LCN8: variants seen among roughly 807,000 people sequenced by gnomAD.
LCN8 encodes the protein lipocalin 8, also known as epididymal-specific lipocalin-8.
A neutral mutation model predicts 22.8 loss-of-function variants in LCN8; 16 were observed. The observed-to-expected ratio is 0.70, with a 90% CI of 0.47 to 1.06. LCN8 has a LOEUF of 1.06. Ranked by LOEUF, LCN8 falls within the 50% of genes least tolerant of loss-of-function variation. The probability of loss-of-function intolerance (pLI) is 0.00; values close to 1 mark genes in which losing one functional copy is unlikely to be tolerated. For synonymous variants in LCN8, 92 were observed against 83.4 expected (o/e 1.10, Z -0.56); for missense variants, 189 against 203.3 (o/e 0.93, Z 0.43).
At position 136,757,102 on chromosome 9, in the gene LCN8, G is replaced by C. The variant is rs201335726; in HGVS notation, c.91C>G (p.Arg31Gly). The change falls in exon 2 of 7, where the codon CGG becomes GGG. Residue 31 changes from arginine to glycine, a missense_variant. Coordinates refer to ENST00000371688, the MANE Select transcript of LCN8 (RefSeq NM_178469.4). ...AAGGTGAGGAACAAGCCCTCCACCCGCTTCGGGGCCGTCAGCACCAGGCTT... is the reference window on the plus strand; with the variant it reads ...AAGGTGAGGAACAAGCCCTCCACCCCCTTCGGGGCCGTCAGCACCAGGCTT... ...DQSLVLTAPKRVEGLFLTLSG... is the reference protein window; with the variant it reads ...DQSLVLTAPKGVEGLFLTLSG... The C allele has an allele frequency of 6.2e-7, 1 of 1,613,468 alleles. No individual in the cohort carries two copies. Among genetic ancestry groups the C allele is most frequent in the African/African-American group, 1.3e-5 (1 of 75,016 alleles).
intron 1 of LCN8, 60 bp downstream of exon 1, chr9:136,757,847 C>T: frequency 6.2e-7 from 1 of 1,613,318 alleles, no homozygotes; most frequent in Non-Finnish European, 8.5e-7. Flanking sequence ...GGCCTCCTTC[C>T]CTGAGCCTGA....
chr9:136,758,227 G>A lies in LCN8; in HGVS notation c.-297C>T. On this transcript the variant is annotated 5_prime_UTR_variant, in exon 1 of 7. Transcript: ENST00000371688. The stretch of plus-strand genomic sequence containing the variant: ...CTGCCCAGCCACCCTCCTGGCATAT[G>A]GACAGCGGTGGACGCTGCTGGGGCC... 1.5e-6 allele frequency: 2 copies of A among 1,326,952 alleles called. No homozygotes were observed. Among genetic ancestry groups the A allele is most frequent in the Non-Finnish European group, 1.9e-6 (2 of 1,034,590 alleles). 82.2% of individuals were successfully genotyped at this position (1,326,952 alleles called of 1,614,324 possible). A position where few individuals can be genotyped will look rare whatever the true frequency, so the allele number is the denominator to read the frequency against.
In LCN8 at chr9:136,757,680, G is replaced by A; in HGVS notation, c.24+227C>T. Reference sequence around the variant, plus strand: ...CTTTTAAAAACCCTACCATTTTCGGGAGGAAAGAATCTTCGTCTCCGGCAT... The same window carrying A: ...CTTTTAAAAACCCTACCATTTTCGGAAGGAAAGAATCTTCGTCTCCGGCAT... On this transcript the variant is annotated intron_variant, in intron 1 of 6. Coordinates refer to ENST00000371688, the MANE Select transcript of LCN8 (RefSeq NM_178469.4). The A allele has an allele frequency of 4.2e-6, 6 of 1,438,224 alleles. No individual in the cohort carries two copies. In the South Asian group the frequency reaches 9.0e-5, roughly 22 times the overall value. The allele number at this position is 1,438,224 out of a possible 1,614,324, so 89.1% of individuals were successfully genotyped here.
intron 6 of LCN8, 195 bp downstream of exon 6, chr9:136,754,940 G>A: frequency 7.2e-7 from 1 of 1,391,686 alleles, no homozygotes; most frequent in Non-Finnish European, 9.3e-7. Flanking sequence ...GGAGGTTCCA[G>A]CTCTTTCCAA....
chr9:136,755,422 G>C lies in LCN8; in HGVS notation c.321C>G (p.Leu107=). 1.2e-6 allele frequency: 2 copies of C among 1,611,652 alleles called. No homozygotes were observed. The highest frequency in any genetic ancestry group is 1.7e-6 in the Non-Finnish European group (2 of 1,179,914). Reference sequence around the variant, plus strand: ...CAGGGCCAAGCTTACTAAAGTACTTGAGGACGCGAAAGTTCCTGCCCCGCC... The same window carrying C: ...CAGGGCCAAGCTTACTAAAGTACTTCAGGACGCGAAAGTTCCTGCCCCGCC... ...LMWRGRNFRV[L]KYFTRSLEDK... Residue 107 remains leucine, a synonymous_variant, in exon 4 of 7, where the codon CTC becomes CTG. Transcript: ENST00000371688.
chr9:136,758,133 TG>T lies in LCN8; in HGVS notation c.-204del. The stretch of plus-strand genomic sequence containing the variant: ...CTGGCAGCTCAGAGACGTGGGTTTC[TG>T]CACAAGCGCCATCGGCCCTGGTGAC... On this transcript the variant is annotated 5_prime_UTR_variant, in exon 1 of 7. The change creates a premature stop within an existing upstream ORF in the 5' untranslated region. Coordinates refer to ENST00000371688, the MANE Select transcript of LCN8 (RefSeq NM_178469.4). 1 of 1,447,398 alleles carries T rather than the reference TG, an allele frequency of 6.9e-7. No individual in the cohort carries two copies. The highest frequency in any genetic ancestry group is 9.1e-7 in the Non-Finnish European group (1 of 1,099,808). 89.7% of individuals were successfully genotyped at this position (1,447,398 alleles called of 1,614,324 possible).
rs1847210477 is a variant in LCN8, at chr9:136,756,603, GC to G, written c.156-12del. The G allele has an allele frequency of 1.2e-6, 2 of 1,612,458 alleles. No individual in the cohort carries two copies. The highest frequency in any genetic ancestry group is 1.3e-5 in the African/African-American group (1 of 74,932). Reference sequence around the variant, plus strand: ...TCACAGCTTCCTGAGCTGAAAGGCAGCAAAGTGCCCATCGGTAAAATGCTAG... The same window carrying G: ...TCACAGCTTCCTGAGCTGAAAGGCAGAAAGTGCCCATCGGTAAAATGCTAG... On this transcript the variant is annotated splice_polypyrimidine_tract_variant and intron_variant, in intron 2 of 6. Coordinates refer to ENST00000371688, the MANE Select transcript of LCN8 (RefSeq NM_178469.4).
At chr9:136,756,322 G>T in intron 3 of LCN8, 200 bp downstream of exon 3, 1 of 1,537,772 alleles carries the variant, frequency 6.5e-7, no homozygotes, top group Non-Finnish European at 8.7e-7. Context: ...GAACAGTGCA[G>T]GGAGCAGTGC....
rs1847224553 is a variant in LCN8, at chr9:136,757,020, A to T, written c.155+18T>A. ...CCATGCATGCCTCTTCCTCTCCAGCAGCCCCCAGGCCTCTTACCTGTTATA... is the reference window on the plus strand; with the variant it reads ...CCATGCATGCCTCTTCCTCTCCAGCTGCCCCCAGGCCTCTTACCTGTTATA... On this transcript the variant is annotated intron_variant, in intron 2 of 6. Transcript: ENST00000371688. 1 of 1,611,232 alleles carries T rather than the reference A, an allele frequency of 6.2e-7. No homozygotes were observed. The highest frequency in any genetic ancestry group is 1.7e-5 in the Admixed American group (1 of 59,838).
chr9:136,757,452 G>C, intron 1 of LCN8: 1 of 1,366,450 alleles, frequency 7.3e-7, no homozygotes, highest in South Asian at 1.6e-5. Flanking sequence ...GCGACATGTC[G>C]GGAGGAACCA....
intron 3 of LCN8, chr9:136,756,289 A>C (rs1464134920): frequency 6.6e-7 from 1 of 1,510,114 alleles, no homozygotes; most frequent in East Asian, 2.6e-5. Flanking sequence ...CAGCATGGGG[A>C]ATAGTGCAGG....
chr9:136,754,820 C>A (rs539799472), intron 6 of LCN8: 10 of 1,377,542 alleles, frequency 7.3e-6, no homozygotes, highest in Non-Finnish European at 9.3e-6. Flanking sequence ...CAGTCCTGCA[C>A]AGAACACCGA....
chr9:136,756,348 G>A (rs781546274), intron 3 of LCN8, 174 bp downstream of exon 3: 1 of 1,563,814 alleles, frequency 6.4e-7, no homozygotes, highest in Non-Finnish European at 8.6e-7. Context: ...ACAACATGGG[G>A]AACAGCACAG....
chr9:136,758,374 C>G (rs928765125), upstream of LCN8: 161 of 1,021,350 alleles, frequency 1.6e-4, no homozygotes, highest in Non-Finnish European at 1.7e-4. Flanking sequence ...GCTGTGGGCA[C>G]TGATGGGCAA....
At chr9:136,754,609 T>C in intron 6 of LCN8, 100 bp from the exon 7 acceptor site, 1 of 1,493,176 alleles carries the variant, frequency 6.7e-7, no homozygotes, top group East Asian at 2.5e-5. Flanking sequence ...CCTCGCTGCC[T>C]GGTTTTGCGC....
At chr9:136,757,738 GC>G (rs1011186447) in intron 1 of LCN8, 168 bp downstream of exon 1, 1 of 985,310 alleles carries the variant, frequency 1.0e-6, no homozygotes, top group African/African-American at 1.7e-5. Flanking sequence ...TGTGCCTCTG[GC>G]CCAGCAGCCG....
At chr9:136,754,884 C>G in intron 6 of LCN8, 1 of 1,363,408 alleles carries the variant, frequency 7.3e-7, no homozygotes, top group Non-Finnish European at 9.4e-7. Flanking sequence ...ACCCCGTGAC[C>G]CCAGCCTCCC....
rs748907314 is a variant in LCN8 at position 136,757,107 on chromosome 9, G to A, written c.86C>T (p.Pro29Leu). 43 of 1,613,350 alleles carry A rather than the reference G, an allele frequency of 2.7e-5. No individual in the cohort carries two copies. Among genetic ancestry groups the A allele is most frequent in the African/African-American group, 8.0e-5 (6 of 74,910 alleles). ...ASDQSLVLTA[P>L]KRVEGLFLTL... Reference sequence around the variant, plus strand: ...GAGGAACAAGCCCTCCACCCGCTTCGGGGCCGTCAGCACCAGGCTTTGATC... The same window carrying A: ...GAGGAACAAGCCCTCCACCCGCTTCAGGGCCGTCAGCACCAGGCTTTGATC... The change falls in exon 2 of 7, where the codon CCG becomes CTG. Residue 29 changes from proline to leucine, a missense_variant. Coordinates refer to ENST00000371688, the MANE Select transcript of LCN8 (RefSeq NM_178469.4).
chr9:136,754,566 G>T (rs954837632), intron 6 of LCN8, 57 bp from the exon 7 acceptor site: 9 of 1,539,408 alleles, frequency 5.8e-6, no homozygotes, highest in Non-Finnish European at 7.9e-6. Context: ...GCCCCACGGG[G>T]CTTCGATGAG....
Sources: allele counts gnomAD v4.1 joint callset, GRCh38; gene constraint gnomAD v4.1.1; transcripts MANE v1.5; gene names NCBI Gene and HGNC (gene_info 2026-07-23, HGNC 2026-07-21).